DNAH9: variants seen among roughly 807,000 people sequenced by gnomAD.
DNAH9 encodes the protein DNAH9 variant protein.
In DNAH9, 345 loss-of-function variants were observed where a neutral mutation model predicts 471.6. The ratio of observed to expected loss-of-function variants is 0.73; its 90% CI spans 0.67 to 0.80. DNAH9 has a LOEUF of 0.80. DNAH9 is among the 30% of genes least tolerant of loss of function. The probability of loss-of-function intolerance (pLI) is 0.00; values close to 1 mark genes in which losing one functional copy is unlikely to be tolerated. For missense variants in DNAH9, 5,407 were observed against 5,609.2 expected (o/e 0.96, Z 1.15); for synonymous variants, 2,093 against 2,123.6 (o/e 0.99, Z 0.40).
At chr17:11,835,144 C>T (rs1412247218) in intron 49 of DNAH9, among the ~76,000 whole-genome samples, 2 of 152,168 alleles carry the variant, frequency 1.3e-5, no homozygotes, top group African/African-American at 4.8e-5. Context: ...TCAGCTGATC[C>T]AAACTCCTTA....
chr17:11,944,436 A>G (rs1975045515), intron 67 of DNAH9, among the ~76,000 whole-genome samples: 1 of 152,182 alleles, frequency 6.6e-6, no homozygotes, highest in South Asian at 2.1e-4. Context: ...ACAGGTGATC[A>G]CAAAAGGCAG....
At chr17:11,707,506 G>A (rs935734001) in intron 26 of DNAH9, among the ~76,000 whole-genome samples, 6 of 152,132 alleles carry the variant, frequency 3.9e-5, no homozygotes, top group Non-Finnish European at 7.3e-5. Flanking sequence ...ACACCTCATA[G>A]CTGAAGCATG....
chr17:11,804,005 A>G (rs1415402812), intron 43 of DNAH9, among the ~76,000 whole-genome samples: 1 of 152,232 alleles, frequency 6.6e-6, no homozygotes, highest in African/African-American at 2.4e-5. Flanking sequence ...ACATCACCCC[A>G]AATGTGGAGC....
chr17:11,873,243 TAGTG>T (rs1387535190), intron 52 of DNAH9, among the ~76,000 whole-genome samples: 4 of 152,214 alleles, frequency 2.6e-5, no homozygotes, highest in African/African-American at 9.6e-5. Context: ...AGTAGCAGCT[TAGTG>T]AGGATTTTTC....
intron 59 of DNAH9, 137 bp from the exon 60 acceptor site, chr17:11,902,582 T>G: frequency 8.3e-6 from 7 of 842,014 alleles, no homozygotes; most frequent in Non-Finnish European, 1.3e-5. Context: ...TCCTGGGGGA[T>G]GATCCAAAGC....
Position 11,744,789 on chromosome 17 carries a change from G to T in DNAH9, c.6112-8G>T, listed in dbSNP as rs377386686. On this transcript the variant is annotated splice_polypyrimidine_tract_variant and splice_region_variant and intron_variant, in intron 30 of 68. Coordinates refer to ENST00000262442, the MANE Select transcript of DNAH9 (RefSeq NM_001372.4). ...CTCTCTGTCACTTTGATCTAACACT[G>T]CCCACAGGATCACTACGACTGGGGC... 2 of 1,607,414 alleles carry T rather than the reference G, an allele frequency of 1.2e-6. No homozygotes were observed. Among genetic ancestry groups the T allele is most frequent in the Non-Finnish European group, 1.7e-6 (2 of 1,175,764 alleles).
intron 49 of DNAH9, among the ~76,000 whole-genome samples, chr17:11,837,064 TTTG>T (rs1018316161): frequency 1.4e-4 from 22 of 152,164 alleles, no homozygotes; most frequent in African/African-American, 4.6e-4. Flanking sequence ...ACAGTAAATA[TTTG>T]TTGTTGTTGG....
At chr17:11,598,982 G>C in intron 1 of DNAH9, 67 bp downstream of exon 1, 1 of 1,056,004 alleles carries the variant, frequency 9.5e-7, no homozygotes. Flanking sequence ...AGCCTTAAGG[G>C]ACGGAGGCGG....
chr17:11,751,670 A>G (rs1056923776), intron 32 of DNAH9, among the ~76,000 whole-genome samples: 4 of 152,108 alleles, frequency 2.6e-5, no homozygotes, highest in African/African-American at 9.7e-5. Context: ...ATGAAAAATA[A>G]GGAACAAGTT....
intron 45 of DNAH9, among the ~76,000 whole-genome samples, chr17:11,820,980 G>A (rs1306729768): frequency 6.6e-6 from 1 of 151,978 alleles, no homozygotes; most frequent in Non-Finnish European, 1.5e-5. Flanking sequence ...ACTTTAGTGT[G>A]CTGTATAAGA....
At chr17:11,693,335 C>T (rs772704965) in intron 20 of DNAH9, among the ~76,000 whole-genome samples, 33 of 149,454 alleles carry the variant, frequency 2.2e-4, no homozygotes, top group Admixed American at 2.0e-4. Context: ...ACCGCACCCT[C>T]CACCCTCCAG....
At chr17:11,864,851 CTT>C (rs749389428) in intron 50 of DNAH9, among the ~76,000 whole-genome samples, 1 of 151,378 alleles carries the variant, frequency 6.6e-6, no homozygotes, top group African/African-American at 2.4e-5. Flanking sequence ...CAACCCCTGC[CTT>C]TTTTTGTTTT....
chr17:11,609,743 T>C (rs1263712235), intron 2 of DNAH9, among the ~76,000 whole-genome samples: 1 of 152,220 alleles, frequency 6.6e-6, no homozygotes, highest in African/African-American at 2.4e-5. Context: ...AGTTACTTTC[T>C]TTAAAAGTTG....
chr17:11,632,671 G>A lies in DNAH9; in HGVS notation c.1603G>A (p.Asp535Asn), dbSNP rs766189999. 1.1e-5 allele frequency: 18 copies of A among 1,607,178 alleles called. No individual in the cohort carries two copies. The Admixed American group carries it at 1.7e-4, about 15-fold the overall frequency. The change falls in exon 8 of 69, where the codon GAT (aspartate) becomes AAT (asparagine). Residue 535 changes from aspartate to asparagine, a missense_variant. Around this residue, in one of 3 missense-constraint regions of DNAH9, gnomAD observed 767 missense variants for 692.5 expected, o/e 1.11. Coordinates refer to ENST00000262442, the MANE Select transcript of DNAH9 (RefSeq NM_001372.4). ...GGGGACTATCTTTATTCAAGCTTTT[G>A]ATGATGCACCTGGCTTGGAGCATGC... ...RLGTIFIQAF[D>N]DAPGLEHAFK...
At chr17:11,882,659 A>T (rs1370019277) in intron 55 of DNAH9, among the ~76,000 whole-genome samples, 1 of 152,236 alleles carries the variant, frequency 6.6e-6, no homozygotes, top group Non-Finnish European at 1.5e-5. Flanking sequence ...GTGGAGGAAC[A>T]CAGAAAACAG....
intron 61 of DNAH9, among the ~76,000 whole-genome samples, chr17:11,921,403 A>G (rs1974135125): frequency 6.6e-6 from 1 of 152,114 alleles, no homozygotes; most frequent in South Asian, 2.1e-4. Context: ...ACTAGAGGTC[A>G]GTGACGCACA....
At chr17:11,874,742 T>C (rs889494928) in intron 52 of DNAH9, among the ~76,000 whole-genome samples, 1 of 139,326 alleles carries the variant, frequency 7.2e-6, no homozygotes, top group Admixed American at 7.1e-5. Flanking sequence ...TCTGCAGTTA[T>C]TCATCCATGG....
intron 5 of DNAH9, among the ~76,000 whole-genome samples, chr17:11,618,937 T>A (rs1441087532): frequency 6.6e-6 from 1 of 152,172 alleles, no homozygotes. Context: ...TACTCCATGT[T>A]TATCAGCCAG....
At chr17:11,771,211 C>T (rs537337897) in intron 38 of DNAH9, among the ~76,000 whole-genome samples, 9 of 152,126 alleles carry the variant, frequency 5.9e-5, no homozygotes, top group Non-Finnish European at 1.3e-4. Context: ...TCACTGCAAC[C>T]TCTGCCTCCC....
Sources: allele counts gnomAD v4.1 joint callset (sites outside exome capture counted in the v4.1 genomes callset), GRCh38; gene constraint gnomAD v4.1.1; regional missense constraint gnomAD v4.1.1; transcripts MANE v1.5; gene names NCBI Gene and HGNC (gene_info 2026-07-23, HGNC 2026-07-21).